Variants in KCNIP4 observed in about 807,000 individuals in gnomAD.
KCNIP4 encodes Kv channel-interacting protein 4.
In KCNIP4, 12 loss-of-function variants were observed where a neutral mutation model predicts 34.0. The observed-to-expected ratio is 0.35, with a 90% CI of 0.23 to 0.57. The LOEUF (loss-of-function observed/expected upper bound fraction) is 0.57. Among genes scored for constraint, KCNIP4 ranks in the 20% least tolerant of loss-of-function variants. KCNIP4 has a pLI of 0.83. For synonymous variants in KCNIP4, 124 were observed against 102.2 expected (o/e 1.21, Z -1.29); for missense variants, 238 against 311.7 (o/e 0.76, Z 1.78).
intron 1 of KCNIP4, among the ~76,000 whole-genome samples, chr4:21,457,305 C>T (rs1008107382): frequency 2.1e-4 from 32 of 151,996 alleles, no homozygotes; most frequent in African/African-American, 6.8e-4. Context: ...TCCTTGTTGG[C>T]GGCTTGCTGG....
intron 1 of KCNIP4, among the ~76,000 whole-genome samples, chr4:21,632,320 C>A (rs1294454651): frequency 6.6e-6 from 1 of 152,058 alleles, no homozygotes; most frequent in Non-Finnish European, 1.5e-5. Flanking sequence ...TTCAAGGGAT[C>A]CTCCTTCCTC....
intron 1 of KCNIP4, among the ~76,000 whole-genome samples, chr4:20,889,222 A>C (rs1725653816): frequency 6.6e-6 from 1 of 152,162 alleles, no homozygotes; most frequent in Admixed American, 6.5e-5. Flanking sequence ...AAGAACCAAA[A>C]AATGGTGCAT....
chr4:21,808,080 T>C (rs756352631), intron 1 of KCNIP4, among the ~76,000 whole-genome samples: 48 of 152,296 alleles, frequency 3.2e-4, no homozygotes, highest in Non-Finnish European at 2.8e-4. Context: ...TCAGAATGTA[T>C]AGTTTTGACA....
At chr4:21,797,145 C>CTATT (rs1030856703) in intron 1 of KCNIP4, among the ~76,000 whole-genome samples, 34 of 151,954 alleles carry the variant, frequency 2.2e-4, no homozygotes, top group African/African-American at 6.7e-4. Flanking sequence ...CTCATTAATT[C>CTATT]TATTTATTTA....
intron 1 of KCNIP4, among the ~76,000 whole-genome samples, chr4:21,734,691 T>C (rs533372803): frequency 2.6e-5 from 4 of 152,242 alleles, no homozygotes; most frequent in South Asian, 2.1e-4. Flanking sequence ...TAAATATAAA[T>C]AGATTATTTA....
chr4:21,688,613 A>G (rs754230449), intron 1 of KCNIP4, among the ~76,000 whole-genome samples: 1 of 152,160 alleles, frequency 6.6e-6, no homozygotes, highest in African/African-American at 2.4e-5. Flanking sequence ...AAGGAAAGAA[A>G]ATAGGATCTG....
chr4:21,552,875 A>G (rs1738690684), intron 1 of KCNIP4, among the ~76,000 whole-genome samples: 1 of 152,102 alleles, frequency 6.6e-6, no homozygotes. Flanking sequence ...AAGTAAAATA[A>G]AATTTCTGCT....
At chr4:20,957,231 T>G (rs2149652487) in intron 1 of KCNIP4, among the ~76,000 whole-genome samples, 1 of 152,324 alleles carries the variant, frequency 6.6e-6, no homozygotes. Flanking sequence ...GATTCCACAG[T>G]GACCCTCTTG....
chr4:21,934,124 A>G (rs1328149725), intron 1 of KCNIP4, among the ~76,000 whole-genome samples: 1 of 152,074 alleles, frequency 6.6e-6, no homozygotes, highest in Non-Finnish European at 1.5e-5. Flanking sequence ...ATGCAGGTGC[A>G]TGATCAAGCA....
chr4:21,732,583 G>C (rs1278865560), intron 1 of KCNIP4, among the ~76,000 whole-genome samples: 1 of 152,096 alleles, frequency 6.6e-6, no homozygotes, highest in Admixed American at 6.6e-5. Context: ...CACAACTTGG[G>C]GGCATCCTAC....
chr4:21,909,277 T>C (rs1185649114), intron 1 of KCNIP4, among the ~76,000 whole-genome samples: 5 of 152,074 alleles, frequency 3.3e-5, no homozygotes, highest in Non-Finnish European at 7.4e-5. Context: ...CCCGTGCCCC[T>C]CACTCATCAT....
chr4:21,022,459 G>C (rs1740162523), intron 1 of KCNIP4, among the ~76,000 whole-genome samples: 1 of 152,308 alleles, frequency 6.6e-6, no homozygotes, highest in Middle Eastern at 3.4e-3. Context: ...AGCCAGGGGT[G>C]GCGGGTTAAT....
chr4:21,836,448 T>G (rs1268468219), intron 1 of KCNIP4, among the ~76,000 whole-genome samples: 2 of 152,178 alleles, frequency 1.3e-5, no homozygotes, highest in East Asian at 3.9e-4. Context: ...ATGTCCTATT[T>G]TTTTCCAAGT....
intron 1 of KCNIP4, among the ~76,000 whole-genome samples, chr4:21,560,598 G>C (rs1739427408): frequency 1.3e-5 from 2 of 151,934 alleles, no homozygotes; most frequent in African/African-American, 4.8e-5. Context: ...ATTTTACCTG[G>C]AAAACTCAGC....
rs1281543089 is a variant in KCNIP4 at position 21,556,920 on chromosome 4, C to CAAAAAAAAAAAAAAAAAAAAAAAAAAAA, written c.61+391650_61+391651insTTTTTTTTTTTTTTTTTTTTTTTTTTTT. ...TGATCAACAAAGCAAGACTCCATCT[C>CAAAAAAAAAAAAAAAAAAAAAAAAAAAA]AGAAAAAAAAAAAAAAAAAAAAACC... On this transcript the variant is annotated intron_variant, in intron 1 of 8. Coordinates refer to ENST00000382152, the MANE Select transcript of KCNIP4 (RefSeq NM_025221.6). 2.5e-4 allele frequency among the ~76,000 whole-genome samples: 9 copies of CAAAAAAAAAAAAAAAAAAAAAAAAAAAA among 35,640 alleles called. 1 individual carries two copies. Among genetic ancestry groups the CAAAAAAAAAAAAAAAAAAAAAAAAAAAA allele is most frequent in the South Asian group, 2.1e-3 (2 of 932 alleles). The allele number at this position is 35,640 out of a possible 152,430, so 23.4% of individuals were successfully genotyped here. A position where few individuals can be genotyped will look rare whatever the true frequency, so the allele number is the denominator to read the frequency against.
chr4:21,365,523 A>G (rs113518250), intron 1 of KCNIP4, among the ~76,000 whole-genome samples: 5 of 24,978 alleles, frequency 2.0e-4, no homozygotes, highest in South Asian at 1.3e-3. Context: ...ATAAATAAAT[A>G]AAAAATAAAG....
intron 1 of KCNIP4, among the ~76,000 whole-genome samples, chr4:21,347,999 G>GCTCATA (rs1291564661): frequency 8.5e-5 from 13 of 152,150 alleles, no homozygotes; most frequent in Non-Finnish European, 1.5e-4. Flanking sequence ...ATACCTGCAG[G>GCTCATA]CCGCTTAAGG....
chr4:21,830,401 A>G (rs1722909703), intron 1 of KCNIP4, among the ~76,000 whole-genome samples: 1 of 152,112 alleles, frequency 6.6e-6, no homozygotes, highest in Non-Finnish European at 1.5e-5. Context: ...CTGGCCAGGC[A>G]TGGTGACTCA....
At chr4:21,930,133 C>T (rs1729482221) in intron 1 of KCNIP4, among the ~76,000 whole-genome samples, 1 of 152,128 alleles carries the variant, frequency 6.6e-6, no homozygotes. Flanking sequence ...ACATTCTTTG[C>T]AAGTATCCCA....
Sources: allele counts gnomAD v4.1 joint callset (sites outside exome capture counted in the v4.1 genomes callset), GRCh38; gene constraint gnomAD v4.1.1; transcripts MANE v1.5; gene names NCBI Gene and HGNC (gene_info 2026-07-23, HGNC 2026-07-21).